The following IQCM variants were observed in gnomAD, a reference collection of about 807,000 sequenced individuals.
The protein encoded by IQCM is IQ domain-containing protein M.
Under a neutral mutation model 57.6 loss-of-function variants are expected in IQCM, and 45 were observed. The observed-to-expected ratio is 0.78, with a 90% confidence interval of 0.62 to 1.00. The LOEUF is 1.00. Ranked by LOEUF, IQCM falls within the 50% of genes least tolerant of loss-of-function variation. The pLI is 0.00. For synonymous variants in IQCM, 148 were observed against 158.9 expected, an observed-to-expected ratio of 0.93 and a Z score of 0.51; for missense variants, 468 against 511.6, an observed-to-expected ratio of 0.91 and a Z score of 0.82.
intron 7 of IQCM, among the ~76,000 whole-genome samples, chr4:149,649,176 C>A (rs112864361): frequency 3.9e-5 from 6 of 151,986 alleles, no homozygotes; most frequent in African/African-American, 1.4e-4. Flanking sequence ...CCTCCCACCC[C>A]ACCTGTTCAG....
chr4:149,639,888 A>AC (rs1257107748), intron 7 of IQCM, among the ~76,000 whole-genome samples: 5 of 152,112 alleles, frequency 3.3e-5, no homozygotes, highest in Non-Finnish European at 5.9e-5. Flanking sequence ...AGACCACACC[A>AC]CTGCACTCCA....
chr4:149,695,397 G>A (rs1052371937), intron 5 of IQCM, among the ~76,000 whole-genome samples: 5 of 152,248 alleles, frequency 3.3e-5, no homozygotes, highest in Admixed American at 6.5e-5. Context: ...ATTATCTCAT[G>A]AATTTAAAAC....
chr4:149,463,352 G>A (rs746595696), intron 12 of IQCM, among the ~76,000 whole-genome samples: 5 of 152,176 alleles, frequency 3.3e-5, no homozygotes, highest in African/African-American at 4.8e-5. Flanking sequence ...ACAAGCTTTC[G>A]TTAACACTAG....
rs368492644 is a variant in IQCM, at chr4:149,438,283, C to A, written c.1229-4726G>T. 1.8e-4 allele frequency among the ~76,000 whole-genome samples: 27 copies of A among 151,966 alleles called. No individual in the cohort carries two copies. The East Asian group carries it at 5.1e-3, about 28-fold the overall frequency. ...AACAATGGCAACAGGTAGATGTTTT[C>A]TTTCATTGTGAATGTTATGCATTCA... is the stretch of plus-strand genomic sequence containing the variant. On this transcript the variant is annotated intron_variant, in intron 12 of 13. Coordinates refer to ENST00000636793, the MANE Select transcript of IQCM (RefSeq NM_001363507.2).
intron 7 of IQCM, among the ~76,000 whole-genome samples, chr4:149,659,433 C>T (rs1274782449): frequency 6.6e-6 from 1 of 152,092 alleles, no homozygotes; most frequent in African/African-American, 2.4e-5. Context: ...TCAATGCCAT[C>T]TCCATCAAGC....
intron 13 of IQCM, among the ~76,000 whole-genome samples, chr4:149,427,159 T>A (rs900258257): frequency 6.6e-6 from 1 of 152,010 alleles, no homozygotes; most frequent in African/African-American, 2.4e-5. Flanking sequence ...CAGTGCTCAC[T>A]GCACCTACTG....
intron 13 of IQCM, among the ~76,000 whole-genome samples, chr4:149,385,615 C>T (rs1270525531): frequency 6.6e-6 from 1 of 152,090 alleles, no homozygotes. Context: ...GCTTGACATG[C>T]TCAAATACAA....
chr4:149,619,103 G>GATATATATATATAT (rs1350988241), intron 8 of IQCM, among the ~76,000 whole-genome samples: 1 of 104,386 alleles, frequency 9.6e-6, no homozygotes, highest in Non-Finnish European at 1.7e-5. Flanking sequence ...AAAAATGTGG[G>GATATATATATATAT]ATGGATATAT....
intron 2 of IQCM, among the ~76,000 whole-genome samples, chr4:149,772,106 A>G (rs187591086): frequency 6.6e-6 from 1 of 152,266 alleles, no homozygotes; most frequent in East Asian, 1.9e-4. Context: ...TTGATCAATT[A>G]ATCCTTCAAG....
At chr4:149,485,400 A>G (rs1741366797) in intron 12 of IQCM, among the ~76,000 whole-genome samples, 2 of 151,254 alleles carry the variant, frequency 1.3e-5, no homozygotes, top group Non-Finnish European at 2.9e-5. Flanking sequence ...ATTGTTTTTT[A>G]TTCTTTTATC....
At chr4:149,753,291 A>G (rs1046686926) in intron 2 of IQCM, among the ~76,000 whole-genome samples, 4 of 152,160 alleles carry the variant, frequency 2.6e-5, no homozygotes, top group Non-Finnish European at 5.9e-5. Flanking sequence ...TAAGTAGGTT[A>G]AGACTCTACC....
At chr4:149,712,643 T>C (rs1284324220) in intron 5 of IQCM, among the ~76,000 whole-genome samples, 1 of 152,190 alleles carries the variant, frequency 6.6e-6, no homozygotes, top group African/African-American at 2.4e-5. Context: ...TTCTAAAGGC[T>C]TACTTTCTAG....
chr4:149,441,579 A>G lies in IQCM; in HGVS notation c.1229-8022T>C, dbSNP rs143742483. Among the ~76,000 whole-genome samples the G allele has an allele frequency of 1.1e-3, 170 of 152,138 alleles. 6 individuals carry two copies. The East Asian group carries it at 0.031, about 28-fold the overall frequency. ...AGCAGCTGAGTCATTTTAATAGTCTATTTCCTGCCTGTACACTTTTGGGAG... is the reference window on the plus strand; with the variant it reads ...AGCAGCTGAGTCATTTTAATAGTCTGTTTCCTGCCTGTACACTTTTGGGAG... On this transcript the variant is annotated intron_variant, in intron 12 of 13. Coordinates refer to ENST00000636793, the MANE Select transcript of IQCM (RefSeq NM_001363507.2).
At chr4:149,473,985 G>C (rs1052881608) in intron 12 of IQCM, among the ~76,000 whole-genome samples, 15 of 152,148 alleles carry the variant, frequency 9.9e-5, no homozygotes, top group African/African-American at 3.6e-4. Context: ...TGGTGTCGGG[G>C]AAGTGGGGAG....
intron 12 of IQCM, among the ~76,000 whole-genome samples, chr4:149,461,131 G>T (rs919727793): frequency 6.6e-6 from 1 of 151,578 alleles, no homozygotes; most frequent in Admixed American, 6.6e-5. Context: ...CTACTCAGGC[G>T]GCTGAGGCAG....
chr4:149,510,010 T>C (rs1474659661), intron 12 of IQCM, among the ~76,000 whole-genome samples: 2 of 152,200 alleles, frequency 1.3e-5, no homozygotes, highest in Non-Finnish European at 2.9e-5. Context: ...GCAGAAAGCA[T>C]GAGTCTGTTT....
intron 12 of IQCM, among the ~76,000 whole-genome samples, chr4:149,438,256 A>G (rs1735560583): frequency 6.6e-6 from 1 of 152,128 alleles, no homozygotes; most frequent in Non-Finnish European, 1.5e-5. Context: ...ATACAGGCTA[A>G]AAACAATGGC....
intron 12 of IQCM, among the ~76,000 whole-genome samples, chr4:149,493,071 G>A (rs1305951845): frequency 6.6e-6 from 1 of 152,024 alleles, no homozygotes; most frequent in Admixed American, 6.6e-5. Flanking sequence ...CAGACTCATG[G>A]GGAATATCCA....
chr4:149,521,487 T>C (rs1745642030), intron 12 of IQCM, among the ~76,000 whole-genome samples: 1 of 152,202 alleles, frequency 6.6e-6, no homozygotes, highest in South Asian at 2.1e-4. Flanking sequence ...AATTGTTTAG[T>C]TCAGTTTAAA....
Sources: gnomAD v4.1 joint callset for allele counts (sites outside exome capture counted in the v4.1 genomes callset) on GRCh38, gnomAD v4.1.1 for gene constraint, MANE v1.5 for transcripts, NCBI Gene and HGNC (gene_info 2026-07-23, HGNC 2026-07-21) for gene names.